Variants in SFTPB observed in about 807,000 individuals in gnomAD.
SFTPB encodes the protein pulmonary surfactant-associated protein B.
A neutral mutation model predicts 51.0 loss-of-function variants in SFTPB; 32 were observed. That is an observed-to-expected ratio of 0.63 (90% confidence interval 0.47 to 0.84). The LOEUF is 0.84. SFTPB is among the 40% of genes least tolerant of loss of function. The pLI is 0.00. For missense variants in SFTPB, 431 were observed against 491.2 expected (o/e 0.88, Z 1.16); for synonymous variants, 211 against 208.5 (o/e 1.01, Z -0.10).
Position 85,663,477 on chromosome 2 carries a change from C to T in SFTPB, c.871G>A (p.Glu291Lys), listed in dbSNP as rs1040581841. 2 of 1,613,770 alleles carry T rather than the reference C, an allele frequency of 1.2e-6. No homozygotes were observed. Among genetic ancestry groups the T allele is most frequent in the Non-Finnish European group, 1.7e-6 (2 of 1,180,010 alleles). The change falls in exon 8 of 11, where the codon GAA becomes AAA. Residue 291 changes from glutamate to lysine, a missense_variant. By Grantham distance (56) the Glu-to-Lys change is moderately conservative. Coordinates refer to ENST00000519937, the MANE Select transcript of SFTPB (RefSeq NM_000542.5). ...CACTCAGAGTCTCGCGGCAGCCATT[C>T]TCCTGTCGGCGACCCTGGAGATGTG... is the stretch of plus-strand genomic sequence containing the variant. ...DSAGPRSPTGEWLPRDSECHL... is the reference protein window; with the variant it reads ...DSAGPRSPTGKWLPRDSECHL...
At chr2:85,661,432 G>A (rs371367742) in intron 10 of SFTPB, 22 bp downstream of exon 10, 75 of 1,558,062 alleles carry the variant, frequency 4.8e-5, no homozygotes, top group African/African-American at 6.8e-5. Context: ...TTACCTCCCC[G>A]CAACTGGGGG....
upstream of SFTPB, chr2:85,668,311 T>G (rs538702503): frequency 5.8e-6 from 5 of 857,450 alleles, no homozygotes; most frequent in Non-Finnish European, 9.5e-6. Context: ...TCCAGGTGCT[T>G]GATCCCACCT....
rs538368158 is a variant in SFTPB at position 85,667,626 on chromosome 2, C to T, written c.195+53G>A. 4 of 1,613,768 alleles carry T rather than the reference C, an allele frequency of 2.5e-6. No homozygotes were observed. The Admixed American group carries it at 6.7e-5, about 27-fold the overall frequency. On this transcript the variant is annotated intron_variant, in intron 2 of 10. Coordinates refer to ENST00000519937, the MANE Select transcript of SFTPB (RefSeq NM_000542.5). ...TCCTCCTGCCCATCCAGAGCCCACC[C>T]AGCACCCTTCATTTCAGACCCCCAG...
rs539889296 is a variant in SFTPB at position 85,665,549 on chromosome 2, G to A, written c.582+57C>T. ...CCAGGGCCCAGTGCCCATGGGCTTC[G>A]GAGGTGGCTCTAGCCCTCTGGATCT... On this transcript the variant is annotated intron_variant, in intron 5 of 10. Coordinates refer to ENST00000519937, the MANE Select transcript of SFTPB (RefSeq NM_000542.5). 8.1e-5 allele frequency: 129 copies of A among 1,590,466 alleles called. No individual in the cohort carries two copies. The East Asian group carries it at 1.5e-3, about 18-fold the overall frequency.
At chr2:85,665,414 C>G (rs1250214855) in intron 5 of SFTPB, 36 bp from the exon 6 acceptor site, 1 of 1,568,984 alleles carries the variant, frequency 6.4e-7, no homozygotes, top group Non-Finnish European at 8.8e-7. Flanking sequence ...AGGCTGGGTG[C>G]TGGGAGAAGA....
rs59023726 is a variant in SFTPB, at chr2:85,666,493, CTG to C, written c.393+122_393+123del. On this transcript the variant is annotated intron_variant, in intron 4 of 10. Transcript: ENST00000519937. ...TGTTTGTGTCTGGCCGGCTTGGGTG[CTG>C]TGTGTGTGTGTGTGTGTGTGTGTGT... The C allele has an allele frequency of 0.33, 232,893 of 704,704 alleles. 10,798 individuals are homozygous for C. The highest frequency in any genetic ancestry group is 0.53 in the East Asian group (15,647 of 29,444). The allele number at this position is 704,704 out of a possible 1,614,324, so 43.7% of individuals were successfully genotyped here. A position where few individuals can be genotyped will look rare whatever the true frequency, so the allele number is the denominator to read the frequency against.
Position 85,666,528 on chromosome 2 carries a change from T to C in SFTPB, c.393+89A>G, listed in dbSNP as rs534800118. Reference sequence around the variant, plus strand: ...GTGTGTGTGTGTGTGTGTGTCTGGCTGGCTGGGGTGCTGTGTGTGTGGCTC... The same window carrying C: ...GTGTGTGTGTGTGTGTGTGTCTGGCCGGCTGGGGTGCTGTGTGTGTGGCTC... On this transcript the variant is annotated intron_variant, in intron 4 of 10. Coordinates refer to ENST00000519937, the MANE Select transcript of SFTPB (RefSeq NM_000542.5). The C allele has an allele frequency of 2.9e-3, 3,882 of 1,347,578 alleles. 95 individuals carry two copies. In the African/African-American group the frequency reaches 0.048, roughly 17 times the overall value. The allele number at this position is 1,347,578 out of a possible 1,614,324, so 83.5% of individuals were successfully genotyped here. A position where few individuals can be genotyped will look rare whatever the true frequency, so the allele number is the denominator to read the frequency against.
At chr2:85,660,444 C>CT (rs67187198) in intron 10 of SFTPB, among the ~76,000 whole-genome samples, 14,817 of 97,292 alleles carry the variant, frequency 0.15, 2,649 homozygotes, top group African/African-American at 0.4. Context: ...AAAGAAATAC[C>CT]TTTTTTTTTT....
chr2:85,667,266 CAG>C, intron 2 of SFTPB, 89 bp from the exon 3 acceptor site: 1 of 967,678 alleles, frequency 1.0e-6, no homozygotes, highest in Non-Finnish European at 1.7e-6. Context: ...AAGAGGCCAA[CAG>C]AGCACTCCAA....
rs778715336 is a variant in SFTPB at position 85,661,546 on chromosome 2, G to A, written c.1084-11C>T. The A allele has an allele frequency of 6.2e-7, 1 of 1,608,684 alleles. No homozygotes were observed. The highest frequency in any genetic ancestry group is 1.1e-5 in the South Asian group (1 of 89,890). ...ACACACCCCGAGGGCCTGTCACAGGGACAGCACCAGGGCTGAGGCCTGGGC... is the reference window on the plus strand; with the variant it reads ...ACACACCCCGAGGGCCTGTCACAGGAACAGCACCAGGGCTGAGGCCTGGGC... On this transcript the variant is annotated splice_polypyrimidine_tract_variant and intron_variant, in intron 9 of 10. Coordinates refer to ENST00000519937, the MANE Select transcript of SFTPB (RefSeq NM_000542.5).
intron 8 of SFTPB, 133 bp downstream of exon 8, chr2:85,663,213 C>T (rs1399126441): frequency 2.4e-6 from 3 of 1,259,230 alleles, no homozygotes; most frequent in South Asian, 2.4e-5. Flanking sequence ...CATTGTCTGC[C>T]CCACATCCTG....
chr2:85,663,277 C>G, intron 8 of SFTPB, 69 bp downstream of exon 8: 1 of 1,595,490 alleles, frequency 6.3e-7, no homozygotes. Context: ...GGCTGCAAAG[C>G]CTTTCCTGGG....
chr2:85,663,886 A>G (rs1367035920), intron 6 of SFTPB, 39 bp from the exon 7 acceptor site: 1 of 1,544,282 alleles, frequency 6.5e-7, no homozygotes, highest in South Asian at 1.2e-5. Context: ...TGGGACCTTC[A>G]CTTGGCAAGC....
chr2:85,663,347 T>G lies in SFTPB; in HGVS notation c.1001A>C (p.Lys334Thr). The G allele has an allele frequency of 1.2e-6, 2 of 1,611,234 alleles. No individual in the cohort carries two copies. The highest frequency in any genetic ancestry group is 1.7e-6 in the Non-Finnish European group (2 of 1,179,946). Residue 334 changes from lysine to threonine, a missense_variant and splice_region_variant, in exon 8 of 11, where the codon AAG becomes ACG. Transcript: ENST00000519937. ...AGTCCCCATGTGCCCAGCCCATACCTTTTCCCTGTCCAGCCAGGAGCCAAC... is the reference window on the plus strand; with the variant it reads ...AGTCCCCATGTGCCCAGCCCATACCGTTTCCCTGTCCAGCCAGGAGCCAAC... ...ACVGSWLDRE[K>T]CKQFVEQHTP...
intron 6 of SFTPB, among the ~76,000 whole-genome samples, chr2:85,664,610 A>G (rs1443385198): frequency 1.3e-5 from 2 of 152,052 alleles, no homozygotes; most frequent in Non-Finnish European, 2.9e-5. Flanking sequence ...GACTACAGGC[A>G]CCTGTCACAT....
intron 7 of SFTPB, 55 bp downstream of exon 7, chr2:85,663,609 G>T: frequency 6.3e-7 from 1 of 1,592,842 alleles, no homozygotes; most frequent in Non-Finnish European, 8.6e-7. Context: ...TGCAGTGGCA[G>T]GGTAGGGGGA....
upstream of SFTPB, chr2:85,668,309 CT>C: frequency 1.1e-6 from 1 of 876,194 alleles, no homozygotes; most frequent in Non-Finnish European, 1.8e-6. Context: ...CCTCCAGGTG[CT>C]TGATCCCACC....
upstream of SFTPB, chr2:85,668,579 C>A (rs936929270): frequency 3.5e-6 from 1 of 287,558 alleles, no homozygotes; most frequent in East Asian, 7.1e-5. Flanking sequence ...GCCCCCTCTA[C>A]TCTTGAGCAA....
chr2:85,665,034 G>A (rs1677502159), intron 6 of SFTPB, among the ~76,000 whole-genome samples: 2 of 152,156 alleles, frequency 1.3e-5, no homozygotes, highest in South Asian at 4.1e-4. Context: ...TTGTACTTTG[G>A]CTCCTGGCGT....
Sources: allele counts gnomAD v4.1 joint callset (sites outside exome capture counted in the v4.1 genomes callset), GRCh38; gene constraint gnomAD v4.1.1; transcripts MANE v1.5; gene names NCBI Gene and HGNC (gene_info 2026-07-23, HGNC 2026-07-21).